The following SLC9B1 variants were observed in gnomAD, a reference collection of about 807,000 sequenced individuals.
SLC9B1 encodes the protein solute carrier family 9 member B1.
SLC9B1 carries 32 observed loss-of-function variants against 51.7 expected under a neutral mutation model. That is an observed-to-expected ratio of 0.62 (90% confidence interval 0.47 to 0.83). SLC9B1 has a LOEUF of 0.83. Ranked by LOEUF, SLC9B1 falls within the 40% of genes least tolerant of loss-of-function variation. The probability of loss-of-function intolerance (pLI) is 0.00; values close to 1 mark genes in which losing one functional copy is unlikely to be tolerated. For synonymous variants in SLC9B1, 145 were observed against 212.7 expected, an observed-to-expected ratio of 0.68 and a Z score of 2.77; for missense variants, 406 against 613.2, an observed-to-expected ratio of 0.66 and a Z score of 3.57.
Position 102,983,738 on chromosome 4 carries a change from A to G in SLC9B1, c.211+6062T>C, listed in dbSNP as rs551329143. On this transcript the variant is annotated intron_variant, in intron 3 of 11. Transcript: ENST00000296422. ...GATCTGTAGCAATGTCTTCTCTTTTATTTCTGATATAAGTAATGTGTGTCT... is the reference window on the plus strand; with the variant it reads ...GATCTGTAGCAATGTCTTCTCTTTTGTTTCTGATATAAGTAATGTGTGTCT... Among the ~76,000 whole-genome samples, 6 of 152,086 alleles carry G rather than the reference A, an allele frequency of 3.9e-5. No homozygotes were observed. In the South Asian group the frequency reaches 1.2e-3, roughly 32 times the overall value.
At chr4:103,017,453 C>T (rs1373069495) in intron 1 of SLC9B1, among the ~76,000 whole-genome samples, 1 of 152,104 alleles carries the variant, frequency 6.6e-6, no homozygotes, top group African/African-American at 2.4e-5. Context: ...TATTCAAAGC[C>T]TTACATGATT....
At chr4:102,908,947 A>T (rs1404816257) in intron 9 of SLC9B1, among the ~76,000 whole-genome samples, 2 of 152,296 alleles carry the variant, frequency 1.3e-5, no homozygotes, top group East Asian at 3.8e-4. Flanking sequence ...CTATACTACT[A>T]ATCAGAGAAA....
intron 6 of SLC9B1, among the ~76,000 whole-genome samples, chr4:102,932,535 T>C (rs1263689183): frequency 2.0e-5 from 3 of 152,174 alleles, no homozygotes; most frequent in South Asian, 2.1e-4. Context: ...TCTCCCTCTA[T>C]TCCTAAATCC....
At chr4:102,928,587 T>A (rs1397941035) in intron 7 of SLC9B1, among the ~76,000 whole-genome samples, 1 of 152,214 alleles carries the variant, frequency 6.6e-6, no homozygotes, top group Non-Finnish European at 1.5e-5. Flanking sequence ...TTTTATAGCA[T>A]TACTCCATTA....
chr4:102,940,283 G>C (rs2110467518), intron 6 of SLC9B1, among the ~76,000 whole-genome samples: 1 of 152,102 alleles, frequency 6.6e-6, no homozygotes, highest in Admixed American at 6.6e-5. Context: ...AAAATACCTT[G>C]GAATACAGCT....
At chr4:103,005,598 T>C (rs552518493) in intron 1 of SLC9B1, among the ~76,000 whole-genome samples, 3 of 152,218 alleles carry the variant, frequency 2.0e-5, no homozygotes, top group African/African-American at 7.2e-5. Context: ...CAACACTTGA[T>C]CAATGAACCT....
chr4:102,919,801 C>T (rs1490895082), intron 7 of SLC9B1, among the ~76,000 whole-genome samples: 1 of 152,236 alleles, frequency 6.6e-6, no homozygotes, highest in African/African-American at 2.4e-5. Flanking sequence ...GCCTTGCTCA[C>T]TACTAGCGCA....
At chr4:102,906,842 C>T (rs1372643136) in intron 9 of SLC9B1, among the ~76,000 whole-genome samples, 198 bp from the exon 10 acceptor site, 11 of 152,072 alleles carry the variant, frequency 7.2e-5, no homozygotes, top group East Asian at 1.9e-4. Flanking sequence ...GTGATCCTCT[C>T]GCAGTCTCCC....
chr4:102,965,832 T>C (rs1407528499), intron 3 of SLC9B1, among the ~76,000 whole-genome samples: 1 of 151,266 alleles, frequency 6.6e-6, no homozygotes, highest in Non-Finnish European at 1.5e-5. Context: ...AATGGTGGAA[T>C]AGTCATATGG....
intron 6 of SLC9B1, 114 bp downstream of exon 6, chr4:102,945,079 C>G (rs1392892239): frequency 1.7e-6 from 2 of 1,187,332 alleles, no homozygotes; most frequent in Non-Finnish European, 2.2e-6. Flanking sequence ...AGGATTTTAA[C>G]ACTGAAACGA....
intron 1 of SLC9B1, among the ~76,000 whole-genome samples, chr4:102,992,532 G>A (rs1340665893): frequency 2.0e-5 from 3 of 152,128 alleles, no homozygotes; most frequent in African/African-American, 7.2e-5. Flanking sequence ...ATTAACAGTT[G>A]AGTAGCTACC....
chr4:102,891,431 T>G (rs928274136), intron 11 of SLC9B1: 1 of 152,218 alleles, frequency 6.6e-6, no homozygotes, highest in Non-Finnish European at 1.5e-5. Context: ...TTTATAGGAT[T>G]CTGCATACAA....
At chr4:102,931,621 G>T (rs1292086543) in intron 7 of SLC9B1, among the ~76,000 whole-genome samples, 9 of 139,092 alleles carry the variant, frequency 6.5e-5, no homozygotes, top group African/African-American at 2.3e-4. Context: ...TTTCTGTAGT[G>T]ATATTCAAGA....
intron 1 of SLC9B1, among the ~76,000 whole-genome samples, chr4:103,019,138 G>C (rs1178376170): frequency 6.6e-6 from 1 of 152,012 alleles, no homozygotes; most frequent in African/African-American, 2.4e-5. Flanking sequence ...GAGTAAACAG[G>C]ATTAAGGGGC....
intron 1 of SLC9B1, among the ~76,000 whole-genome samples, chr4:103,002,800 A>G (rs945366334): frequency 6.6e-6 from 1 of 152,138 alleles, no homozygotes; most frequent in Non-Finnish European, 1.5e-5. Flanking sequence ...CTGCCAGATG[A>G]TTATCAAACT....
intron 4 of SLC9B1, among the ~76,000 whole-genome samples, 156 bp from the exon 5 acceptor site, chr4:102,946,945 C>T (rs1425877568): frequency 1.3e-5 from 2 of 151,838 alleles, no homozygotes; most frequent in Admixed American, 1.3e-4. Flanking sequence ...AAAGGAATGG[C>T]GATAAGAAAC....
intron 1 of SLC9B1, among the ~76,000 whole-genome samples, chr4:103,006,947 C>T (rs1393297826): frequency 3.3e-5 from 5 of 152,146 alleles, no homozygotes; most frequent in Admixed American, 3.3e-4. Context: ...ATGTTAAAAG[C>T]CTTCAACAAA....
chr4:103,006,249 G>C (rs780924056), intron 1 of SLC9B1, among the ~76,000 whole-genome samples: 1 of 151,442 alleles, frequency 6.6e-6, no homozygotes, highest in Non-Finnish European at 1.5e-5. Flanking sequence ...GAATAAATAA[G>C]ACCACAGCTA....
chr4:103,016,134 C>CAAAAAAAAAAAAAAAA lies in SLC9B1; in HGVS notation c.-2+3449_-2+3464dup, dbSNP rs61227731. 6.4e-3 allele frequency among the ~76,000 whole-genome samples: 318 copies of CAAAAAAAAAAAAAAAA among 49,514 alleles called. 23 individuals are homozygous for CAAAAAAAAAAAAAAAA. Among genetic ancestry groups the CAAAAAAAAAAAAAAAA allele is most frequent in the Non-Finnish European group, 7.3e-3 (211 of 28,822 alleles). The allele number at this position is 49,514 out of a possible 152,430, so 32.5% of individuals were successfully genotyped here. On this transcript the variant is annotated intron_variant, in intron 1 of 11. Transcript: ENST00000296422. ...GGACAACAAGAGCCAAACTCTGTCTCAAAAAAAAAAAAAAAAAAAGGAAAG... is the reference window on the plus strand; with the variant it reads ...GGACAACAAGAGCCAAACTCTGTCTCAAAAAAAAAAAAAAAAAAAAAAAAAAAAAAAAAAAGGAAAG...
Sources: gnomAD v4.1 joint callset for allele counts (sites outside exome capture counted in the v4.1 genomes callset) on GRCh38, gnomAD v4.1.1 for gene constraint, MANE v1.5 for transcripts, NCBI Gene and HGNC (gene_info 2026-07-23, HGNC 2026-07-21) for gene names.